KIF16B: variants seen among roughly 807,000 people sequenced by gnomAD.
KIF16B encodes kinesin family member 16B, also known as kinesin-like protein KIF16B.
A neutral mutation model predicts 156.3 loss-of-function variants in KIF16B; 98 were observed. That is an observed-to-expected ratio of 0.63 (90% CI 0.53 to 0.74). KIF16B has a LOEUF of 0.74. KIF16B is among the 30% of genes least tolerant of loss of function. The probability of loss-of-function intolerance (pLI) is 0.00; values close to 1 mark genes in which losing one functional copy is unlikely to be tolerated. For missense variants in KIF16B, 1,421 were observed against 1,606.5 expected (o/e 0.88, Z 1.97); for synonymous variants, 564 against 583.7 (o/e 0.97, Z 0.49).
chr20:16,385,156 C>A (rs1231402901), intron 17 of KIF16B, among the ~76,000 whole-genome samples: 3 of 151,216 alleles, frequency 2.0e-5, no homozygotes, highest in African/African-American at 7.3e-5. Flanking sequence ...GAAATCTTGC[C>A]ACTCTACTCC....
chr20:16,356,445 A>G lies in KIF16B; in HGVS notation c.3506T>C (p.Val1169Ala). ...IQRKLKYERM[V>A]SRSLGANPDD... ...TGGATTTGCGCCCAAAGAGCGAGAA[A>G]CCATCCGCTATCAAAGGCATGTCAG... is the stretch of plus-strand genomic sequence containing the variant. Residue 1169 changes from valine to alanine, a missense_variant, in exon 23 of 26, where the codon GTT (valine) becomes GCT (alanine). Transcript: ENST00000354981. 1 of 1,614,078 alleles carries G rather than the reference A, an allele frequency of 6.2e-7. No homozygotes were observed. The highest frequency in any genetic ancestry group is 2.2e-5 in the East Asian group (1 of 44,866).
At chr20:16,399,389 A>G (rs1462431791) in intron 17 of KIF16B, among the ~76,000 whole-genome samples, 2 of 152,192 alleles carry the variant, frequency 1.3e-5, no homozygotes, top group Non-Finnish European at 2.9e-5. Context: ...AGGCTTTACA[A>G]GTGTCTTCCC....
At chr20:16,567,978 G>C (rs1600716646) in intron 1 of KIF16B, among the ~76,000 whole-genome samples, 1 of 152,134 alleles carries the variant, frequency 6.6e-6, no homozygotes, top group East Asian at 1.9e-4. Flanking sequence ...TGTAGTACCT[G>C]GTACCTGGCA....
chr20:16,374,338 C>T lies in KIF16B; in HGVS notation c.3269G>A (p.Gly1090Glu). ...EVDGVQKDHHGTLEGKVASSS... is the reference protein window; with the variant it reads ...EVDGVQKDHHETLEGKVASSS... Reference sequence around the variant, plus strand: ...AGAAGCCACCTTCCCTTCCAGGGTCCCATGATGATCTTTTTGAACACCATC... The same window carrying T: ...AGAAGCCACCTTCCCTTCCAGGGTCTCATGATGATCTTTTTGAACACCATC... The change falls in exon 20 of 26, where the codon GGG becomes GAG. Residue 1090 changes from glycine to glutamate, a missense_variant. Gly to Glu is a moderately conservative substitution (Grantham distance 98). Coordinates refer to ENST00000354981, the MANE Select transcript of KIF16B (RefSeq NM_024704.5). The T allele has an allele frequency of 6.2e-7, 1 of 1,606,304 alleles. No individual in the cohort carries two copies. Among genetic ancestry groups the T allele is most frequent in the Non-Finnish European group, 8.5e-7 (1 of 1,175,414 alleles).
At chr20:16,342,699 G>A (rs993094195) in intron 23 of KIF16B, among the ~76,000 whole-genome samples, 2 of 152,208 alleles carry the variant, frequency 1.3e-5, no homozygotes, top group African/African-American at 4.8e-5. Flanking sequence ...CTGAATTCAG[G>A]CTAAATATGG....
chr20:16,527,090 G>A (rs1322824501), intron 2 of KIF16B, among the ~76,000 whole-genome samples: 1 of 152,214 alleles, frequency 6.6e-6, no homozygotes, highest in Non-Finnish European at 1.5e-5. Flanking sequence ...AAAGACACAT[G>A]AAGGAAAGAC....
At chr20:16,488,947 T>C (rs1227149372) in intron 12 of KIF16B, among the ~76,000 whole-genome samples, 1 of 152,192 alleles carries the variant, frequency 6.6e-6, no homozygotes, top group African/African-American at 2.4e-5. Flanking sequence ...GGGTATCAAA[T>C]GTATCAGACA....
intron 3 of KIF16B, among the ~76,000 whole-genome samples, chr20:16,521,592 C>T (rs1414057065): frequency 6.6e-6 from 1 of 152,156 alleles, no homozygotes; most frequent in Non-Finnish European, 1.5e-5. Context: ...TTGGAAAACA[C>T]TCTTCAGGCT....
intron 24 of KIF16B, among the ~76,000 whole-genome samples, chr20:16,333,645 C>T (rs571064945): frequency 2.6e-5 from 4 of 152,128 alleles, no homozygotes; most frequent in South Asian, 2.1e-4. Flanking sequence ...GTAACTTCTT[C>T]GACTCACTGG....
At chr20:16,481,645 A>G (rs749301160) in intron 12 of KIF16B, among the ~76,000 whole-genome samples, 1 of 152,168 alleles carries the variant, frequency 6.6e-6, no homozygotes, top group Non-Finnish European at 1.5e-5. Flanking sequence ...TAATTACGAG[A>G]ACAAAAAAGG....
At chr20:16,289,024 G>A (rs371201159) in intron 25 of KIF16B, among the ~76,000 whole-genome samples, 1 of 151,868 alleles carries the variant, frequency 6.6e-6, no homozygotes, top group African/African-American at 2.4e-5. Context: ...ACTCTAAGTC[G>A]AAAGTGCATT....
chr20:16,562,444 T>C (rs1179275235), intron 1 of KIF16B, among the ~76,000 whole-genome samples: 1 of 152,136 alleles, frequency 6.6e-6, no homozygotes, highest in Non-Finnish European at 1.5e-5. Context: ...TAATACCCAA[T>C]AGGAGGATTG....
intron 12 of KIF16B, among the ~76,000 whole-genome samples, chr20:16,455,461 TCAAA>T (rs1027412611): frequency 2.0e-5 from 3 of 152,100 alleles, no homozygotes; most frequent in African/African-American, 7.2e-5. Flanking sequence ...GGTTGACCTT[TCAAA>T]CAAATACTGA....
At chr20:16,361,189 T>C (rs1047176032) in intron 22 of KIF16B, among the ~76,000 whole-genome samples, 4 of 152,192 alleles carry the variant, frequency 2.6e-5, no homozygotes, top group Non-Finnish European at 5.9e-5. Context: ...CAACTACACA[T>C]ACTATACTGA....
chr20:16,505,288 A>G (rs2068740560), intron 9 of KIF16B, among the ~76,000 whole-genome samples: 1 of 152,238 alleles, frequency 6.6e-6, no homozygotes, highest in Non-Finnish European at 1.5e-5. Flanking sequence ...ATACTGACAT[A>G]AAGTATACTG....
intron 1 of KIF16B, among the ~76,000 whole-genome samples, chr20:16,529,036 C>T (rs1342314598): frequency 6.6e-6 from 1 of 152,198 alleles, no homozygotes; most frequent in Non-Finnish European, 1.5e-5. Flanking sequence ...GAGGAAGATC[C>T]CTATATCTGT....
In KIF16B at chr20:16,341,372, G is replaced by A. The variant is rs150969700; in HGVS notation, c.3622-5357C>T. 5.3e-3 allele frequency among the ~76,000 whole-genome samples: 810 copies of A among 152,256 alleles called. 8 individuals carry two copies. The highest frequency in any genetic ancestry group is 0.018 in the African/African-American group (768 of 41,548). ...TATTCCTCTGAATTGAGCTTAGTGA[G>A]GTCAGTGAAGGTATCAGAGGAGTCT... On this transcript the variant is annotated intron_variant, in intron 23 of 25. Transcript: ENST00000354981.
intron 7 of KIF16B, among the ~76,000 whole-genome samples, chr20:16,507,679 T>G (rs1431281558): frequency 6.6e-6 from 1 of 152,160 alleles, no homozygotes; most frequent in Non-Finnish European, 1.5e-5. Flanking sequence ...AACTTTTGCT[T>G]AATTAAGCAC....
At chr20:16,402,031 C>T (rs1045052467) in intron 17 of KIF16B, among the ~76,000 whole-genome samples, 1 of 152,072 alleles carries the variant, frequency 6.6e-6, no homozygotes, top group African/African-American at 2.4e-5. Flanking sequence ...TTAGCTGGCC[C>T]TTGACCTCCC....
Sources: allele counts gnomAD v4.1 joint callset (sites outside exome capture counted in the v4.1 genomes callset), GRCh38; gene constraint gnomAD v4.1.1; transcripts MANE v1.5; gene names NCBI Gene and HGNC (gene_info 2026-07-23, HGNC 2026-07-21).